CPA6: variants seen among roughly 807,000 people sequenced by gnomAD.
The protein encoded by CPA6 is carboxypeptidase A6, also known as carboxypeptidase B.
A neutral mutation model predicts 63.3 loss-of-function variants in CPA6; 58 were observed. The observed-to-expected ratio is 0.92, with a 90% CI of 0.74 to 1.14. The LOEUF is 1.14. Among genes scored for constraint, CPA6 ranks in the 50% most tolerant of loss-of-function variants. CPA6 has a pLI of 0.00. For synonymous variants in CPA6, 185 were observed against 179.0 expected (o/e 1.03, Z -0.27); for missense variants, 565 against 526.6 (o/e 1.07, Z -0.71).
At chr8:67,667,777 G>C (rs568835623) in intron 1 of CPA6, among the ~76,000 whole-genome samples, 2 of 152,296 alleles carry the variant, frequency 1.3e-5, no homozygotes, top group South Asian at 4.1e-4. Flanking sequence ...GCACAGTATA[G>C]AATAGGAGAT....
At chr8:67,467,715 A>C (rs532827571) in intron 8 of CPA6, among the ~76,000 whole-genome samples, 32 of 152,126 alleles carry the variant, frequency 2.1e-4, no homozygotes, top group African/African-American at 7.2e-4. Flanking sequence ...TAAAACCTGT[A>C]AGGGCGACCG....
chr8:67,498,519 G>C (rs960826609), intron 6 of CPA6, among the ~76,000 whole-genome samples: 6 of 119,100 alleles, frequency 5.0e-5, no homozygotes, highest in Non-Finnish European at 9.7e-5. Context: ...CTGGGTGACA[G>C]AGCGAGACTC....
At chr8:67,724,569 T>G (rs1343258188) in intron 1 of CPA6, among the ~76,000 whole-genome samples, 5 of 152,210 alleles carry the variant, frequency 3.3e-5, no homozygotes, top group African/African-American at 4.8e-5. Context: ...AAGACACCTG[T>G]GTAGCACTTA....
intron 6 of CPA6, among the ~76,000 whole-genome samples, chr8:67,494,696 T>C (rs1156292897): frequency 6.6e-6 from 1 of 152,200 alleles, no homozygotes. Flanking sequence ...CCACTGAAAA[T>C]TACTAGGCGA....
At chr8:67,462,510 T>C (rs1810835817) in intron 8 of CPA6, among the ~76,000 whole-genome samples, 2 of 152,228 alleles carry the variant, frequency 1.3e-5, no homozygotes, top group Non-Finnish European at 1.5e-5. Flanking sequence ...TATGTGAGTA[T>C]AGTAGTAGGA....
chr8:67,653,778 T>C (rs1815908814), intron 1 of CPA6, among the ~76,000 whole-genome samples: 3 of 152,144 alleles, frequency 2.0e-5, no homozygotes, highest in Admixed American at 2.0e-4. Flanking sequence ...TCCAACACTA[T>C]GTTGAATAGG....
At chr8:67,573,782 C>T (rs1006390307) in intron 2 of CPA6, among the ~76,000 whole-genome samples, 3 of 149,422 alleles carry the variant, frequency 2.0e-5, no homozygotes, top group Non-Finnish European at 4.4e-5. Flanking sequence ...GTCCCAGCTA[C>T]TCGGGAGGCT....
At chr8:67,745,082 C>T (rs11996638) in intron 1 of CPA6, among the ~76,000 whole-genome samples, 5,502 of 152,146 alleles carry the variant, frequency 0.036, 187 homozygotes, top group African/African-American at 0.087. Flanking sequence ...AGACACTGTA[C>T]ACTACCTTGT....
chr8:67,746,183 G>A lies in CPA6; in HGVS notation c.-54C>T. ...ACTTAAGCAGCCACCCGAGGCTGGA[G>A]GTGGCTCACAGCACCCTCTACACAC... is the stretch of plus-strand genomic sequence containing the variant. On this transcript the variant is annotated 5_prime_UTR_variant, in exon 1 of 11. Coordinates refer to ENST00000297770, the MANE Select transcript of CPA6 (RefSeq NM_020361.5). The A allele has an allele frequency of 1.4e-6, 2 of 1,413,030 alleles. No homozygotes were observed. Among genetic ancestry groups the A allele is most frequent in the East Asian group, 2.3e-5 (1 of 43,114 alleles). 87.5% of individuals were successfully genotyped at this position (1,413,030 alleles called of 1,614,324 possible). A position where few individuals can be genotyped will look rare whatever the true frequency, so the allele number is the denominator to read the frequency against.
chr8:67,633,992 A>C (rs1370401822), intron 1 of CPA6, among the ~76,000 whole-genome samples: 1 of 151,952 alleles, frequency 6.6e-6, no homozygotes, highest in African/African-American at 2.4e-5. Flanking sequence ...TTCCCCTTGA[A>C]GTTCGTATGT....
At position 67,498,233 on chromosome 8, in the gene CPA6, T is replaced by C. The variant is rs187817129; in HGVS notation, c.636+8554A>G. On this transcript the variant is annotated intron_variant, in intron 6 of 10. Transcript: ENST00000297770. ...TGTCTGTGTCATCCCTCTTGGCCCA[T>C]GACAAATTTAAGAAACTTTAGGTTG... 2.0e-3 allele frequency among the ~76,000 whole-genome samples: 309 copies of C among 152,216 alleles called. 1 individual carries two copies. Among genetic ancestry groups the C allele is most frequent in the Non-Finnish European group, 3.6e-3 (245 of 68,004 alleles).
intron 1 of CPA6, among the ~76,000 whole-genome samples, chr8:67,634,179 A>ATTATT (rs1815410365): frequency 3.6e-5 from 5 of 139,914 alleles, no homozygotes; most frequent in African/African-American, 8.3e-5. Flanking sequence ...CACTGGATTT[A>ATTATT]ATTATTATTA....
At chr8:67,742,613 G>A (rs1817933557) in intron 1 of CPA6, among the ~76,000 whole-genome samples, 1 of 152,112 alleles carries the variant, frequency 6.6e-6, no homozygotes. Context: ...ATCCTGTTAA[G>A]TTCTTACTAA....
chr8:67,440,413 A>G (rs1810264907), intron 8 of CPA6, among the ~76,000 whole-genome samples: 1 of 152,092 alleles, frequency 6.6e-6, no homozygotes, highest in African/African-American at 2.4e-5. Context: ...TCTACTAAAA[A>G]TACAAAAATT....
chr8:67,459,091 C>T (rs748506656), intron 8 of CPA6, among the ~76,000 whole-genome samples: 2 of 152,196 alleles, frequency 1.3e-5, no homozygotes, highest in Non-Finnish European at 2.9e-5. Flanking sequence ...TGCACATGGA[C>T]ACATGGATGT....
chr8:67,533,726 A>G (rs1812525618), intron 2 of CPA6, among the ~76,000 whole-genome samples: 1 of 152,218 alleles, frequency 6.6e-6, no homozygotes, highest in South Asian at 2.1e-4. Flanking sequence ...CTCTTTCAAT[A>G]GTGTTCTTCC....
chr8:67,450,257 C>T (rs983837475), intron 8 of CPA6, among the ~76,000 whole-genome samples: 1 of 152,122 alleles, frequency 6.6e-6, no homozygotes, highest in Non-Finnish European at 1.5e-5. Flanking sequence ...GATAACTTTA[C>T]TTATAGGTAA....
At chr8:67,537,804 A>T (rs1186100564) in intron 2 of CPA6, among the ~76,000 whole-genome samples, 1 of 152,094 alleles carries the variant, frequency 6.6e-6, no homozygotes. Flanking sequence ...GATCTTTCCC[A>T]CTTTCTCTTA....
At chr8:67,698,043 G>A (rs1816943639) in intron 1 of CPA6, among the ~76,000 whole-genome samples, 1 of 152,046 alleles carries the variant, frequency 6.6e-6, no homozygotes, top group Admixed American at 6.6e-5. Flanking sequence ...ATGAGAACCT[G>A]GTAGCTGTCA....
Sources: allele counts gnomAD v4.1 joint callset (sites outside exome capture counted in the v4.1 genomes callset), GRCh38; gene constraint gnomAD v4.1.1; transcripts MANE v1.5; gene names NCBI Gene and HGNC (gene_info 2026-07-23, HGNC 2026-07-21).